The following CASC3 variants were observed in gnomAD, a reference collection of about 807,000 sequenced individuals.
The protein encoded by CASC3 is protein CASC3.
In CASC3, 30 loss-of-function variants were observed where a neutral mutation model predicts 80.5. That is an observed-to-expected ratio of 0.37 (90% CI 0.28 to 0.51). The LOEUF (loss-of-function observed/expected upper bound fraction) is 0.51, where lower values mean the gene tolerates loss of function less well. CASC3 is among the 20% of genes least tolerant of loss of function. CASC3 has a pLI of 0.94. For synonymous variants in CASC3, 312 were observed against 333.6 expected, an observed-to-expected ratio of 0.94 and a Z score of 0.70; for missense variants, 824 against 922.2, an observed-to-expected ratio of 0.89 and a Z score of 1.38.
At chr17:40,168,156 A>G (rs1241572854) in intron 10 of CASC3, 47 bp from the exon 11 acceptor site, 1 of 1,550,488 alleles carries the variant, frequency 6.4e-7, no homozygotes, top group African/African-American at 1.4e-5. Flanking sequence ...CCATCCTGTG[A>G]AAATGATGTT....
intron 3 of CASC3, among the ~76,000 whole-genome samples, chr17:40,158,358 A>G (rs1387697905): frequency 6.6e-6 from 1 of 152,176 alleles, no homozygotes; most frequent in Admixed American, 6.6e-5. Context: ...TAGGTGAGTG[A>G]GAGACCAGTG....
chr17:40,167,591 G>C lies in CASC3; in HGVS notation c.1630G>C (p.Glu544Gln). The C allele has an allele frequency of 6.2e-7, 1 of 1,613,542 alleles. No individual in the cohort carries two copies. Among genetic ancestry groups the C allele is most frequent in the Non-Finnish European group, 8.5e-7 (1 of 1,179,504 alleles). ...PAPPVHISIM[E>Q]GHYYDPLQFQ... Reference sequence around the variant, plus strand: ...CCCTCCAGTGCATATCAGTATCATGGAGGGACATTACTATGATCCACGTGA... The same window carrying C: ...CCCTCCAGTGCATATCAGTATCATGCAGGGACATTACTATGATCCACGTGA... Residue 544 changes from glutamate to glutamine, a missense_variant, in exon 9 of 14, where the codon GAG becomes CAG. Physicochemically the swap from Glu to Gln is conservative, Grantham distance 29 (BLOSUM62 2). Transcript: ENST00000264645.
chr17:40,171,436 CA>C lies in CASC3; in HGVS notation c.*1034del. ...GTGGACCAATGCATCTCTTTAAAGG[CA>C]AATATTATCCAGCAAGCAGTCTACC... On this transcript the variant is annotated 3_prime_UTR_variant, in exon 14 of 14. Transcript: ENST00000264645. 1.0e-6 allele frequency: 1 copy of C among 986,216 alleles called. No homozygotes were observed. 61.1% of individuals were successfully genotyped at this position (986,216 alleles called of 1,614,324 possible).
intron 1 of CASC3, 82 bp from the exon 2 acceptor site, chr17:40,141,125 C>A (rs1287310267): frequency 1.5e-6 from 2 of 1,301,236 alleles, no homozygotes; most frequent in Admixed American, 1.7e-5. Context: ...GCTGAATCTT[C>A]AGCTTTTCAC....
At chr17:40,161,638 C>T in intron 3 of CASC3, 115 bp from the exon 4 acceptor site, 1 of 851,640 alleles carries the variant, frequency 1.2e-6, no homozygotes, top group Non-Finnish European at 1.9e-6. Context: ...GAGATTGTGC[C>T]ACTGTATTCC....
intron 3 of CASC3, among the ~76,000 whole-genome samples, chr17:40,149,086 G>A (rs932909774): frequency 7.9e-5 from 12 of 151,914 alleles, no homozygotes; most frequent in African/African-American, 2.7e-4. Context: ...ATGTTGGCCA[G>A]GCTGGTCTCG....
chr17:40,151,556 T>C (rs1381699970), intron 3 of CASC3, among the ~76,000 whole-genome samples: 1 of 151,856 alleles, frequency 6.6e-6, no homozygotes, highest in Non-Finnish European at 1.5e-5. Context: ...TAGCCAGGCG[T>C]GGTGGCGTGC....
chr17:40,159,302 C>G (rs928119485), intron 3 of CASC3, among the ~76,000 whole-genome samples: 4 of 152,056 alleles, frequency 2.6e-5, no homozygotes, highest in Non-Finnish European at 5.9e-5. Context: ...ACATCTCCCC[C>G]CTTATGTACT....
chr17:40,145,298 C>T (rs752734683), intron 3 of CASC3, among the ~76,000 whole-genome samples: 1 of 151,944 alleles, frequency 6.6e-6, no homozygotes, highest in African/African-American at 2.4e-5. Context: ...CTCAGCCTCC[C>T]GAGTAGCTGG....
Position 40,167,558 on chromosome 17 carries a change from C to G in CASC3, c.1597C>G (p.Pro533Ala). 1 of 1,613,810 alleles carries G rather than the reference C, an allele frequency of 6.2e-7. No homozygotes were observed. Among genetic ancestry groups the G allele is most frequent in the Non-Finnish European group, 8.5e-7 (1 of 1,179,926 alleles). Reference sequence around the variant, plus strand: ...CCAGCGGCAAAGACCTGTGCCAGAGCCCCCCGCCCCTCCAGTGCATATCAG... The same window carrying G: ...CCAGCGGCAAAGACCTGTGCCAGAGGCCCCCGCCCCTCCAGTGCATATCAG... Reference protein sequence around the residue: ...SSQRQRPVPEPPAPPVHISIM... With the variant: ...SSQRQRPVPEAPAPPVHISIM... The change falls in exon 9 of 14, where the codon CCC becomes GCC. Residue 533 changes from proline (P) to alanine (A), a missense_variant. Pro to Ala is a conservative substitution (Grantham distance 27, BLOSUM62 -1). This residue lies in a region of CASC3 where 464 missense variants were observed against 506.0 expected (regional missense o/e 0.92). Coordinates refer to ENST00000264645, the MANE Select transcript of CASC3 (RefSeq NM_007359.5).
chr17:40,150,874 G>A (rs1988986903), intron 3 of CASC3, among the ~76,000 whole-genome samples: 1 of 152,060 alleles, frequency 6.6e-6, no homozygotes, highest in Admixed American at 6.6e-5. Context: ...TTAGCCAGAT[G>A]TGGTGGCGGG....
intron 11 of CASC3, chr17:40,169,090 A>C: frequency 2.3e-6 from 1 of 429,182 alleles, no homozygotes; most frequent in Non-Finnish European, 4.1e-6. Flanking sequence ...TTGTCAGCTG[A>C]TGGTAGGAAT....
At chr17:40,159,534 T>C (rs1035989741) in intron 3 of CASC3, among the ~76,000 whole-genome samples, 8 of 148,406 alleles carry the variant, frequency 5.4e-5, no homozygotes, top group Middle Eastern at 3.4e-3. Flanking sequence ...CACGCATCAG[T>C]TCATTGTGTG....
chr17:40,140,757 A>G lies in CASC3; in HGVS notation c.209A>G (p.Lys70Arg), dbSNP rs1334869826. 6 of 1,257,912 alleles carry G rather than the reference A, an allele frequency of 4.8e-6. No individual in the cohort carries two copies. In the African/African-American group the frequency reaches 5.1e-5, roughly 11 times the overall value. The allele number at this position is 1,257,912 out of a possible 1,614,324, so 77.9% of individuals were successfully genotyped here. The change falls in exon 1 of 14, where the codon AAG becomes AGG. Residue 70 changes from lysine (K) to arginine (R), a missense_variant. Lys to Arg is a conservative substitution (Grantham distance 26, BLOSUM62 2). This residue lies in a region of CASC3 where 159 missense variants were observed against 122.2 expected (regional missense o/e 1.30). Transcript: ENST00000264645. ...HLRRVESGGA[K>R]SAEESECESE... ...CGGCGGGTGGAGAGCGGGGGCGCCA[A>G]GAGTGCTGAGGAGTCGGAGTGTGTG...
At chr17:40,157,363 AAATAAATT>A (rs1367554079) in intron 3 of CASC3, among the ~76,000 whole-genome samples, 19 of 148,032 alleles carry the variant, frequency 1.3e-4, no homozygotes, top group African/African-American at 3.0e-4. Context: ...ATAAATAAAT[AAATAAATT>A]AATTAATTAA....
intron 7 of CASC3, among the ~76,000 whole-genome samples, 180 bp downstream of exon 7, chr17:40,164,346 C>T (rs1221416338): frequency 6.6e-6 from 1 of 152,056 alleles, no homozygotes; most frequent in Admixed American, 6.6e-5. Flanking sequence ...TCACTGCAAC[C>T]TTCGCCTCCC....
chr17:40,161,633 T>TG, intron 3 of CASC3, 120 bp from the exon 4 acceptor site: 1 of 811,180 alleles, frequency 1.2e-6, no homozygotes, highest in East Asian at 2.5e-5. Context: ...GAGCTGAGAT[T>TG]GTGCCACTGT....
At chr17:40,159,336 TAATAA>T (rs1304863845) in intron 3 of CASC3, among the ~76,000 whole-genome samples, 2 of 152,146 alleles carry the variant, frequency 1.3e-5, no homozygotes, top group Non-Finnish European at 2.9e-5. Flanking sequence ...ATATGTAAAT[TAATAA>T]AATGTAAACT....
intron 3 of CASC3, among the ~76,000 whole-genome samples, chr17:40,153,099 A>G (rs1285433909): frequency 2.6e-5 from 4 of 152,170 alleles, no homozygotes; most frequent in Non-Finnish European, 5.9e-5. Context: ...AACTATGGTT[A>G]CCATGCTGTA....
Sources: allele counts gnomAD v4.1 joint callset (sites outside exome capture counted in the v4.1 genomes callset), GRCh38; gene constraint gnomAD v4.1.1; regional missense constraint gnomAD v4.1.1; transcripts MANE v1.5; gene names NCBI Gene and HGNC (gene_info 2026-07-23, HGNC 2026-07-21).